The following CACNA1E variants were observed in gnomAD, a reference collection of about 807,000 sequenced individuals.
CACNA1E encodes the protein voltage-dependent R-type calcium channel subunit alpha-1E.
In CACNA1E, 40 loss-of-function variants were observed where a neutral mutation model predicts 259.2. The ratio of observed to expected loss-of-function variants is 0.15; its 90% CI spans 0.12 to 0.20. CACNA1E has a LOEUF of 0.20. Ranked by LOEUF, CACNA1E falls within the 10% of genes least tolerant of loss-of-function variation. CACNA1E has a pLI of 1.00. For missense variants in CACNA1E, 1,874 were observed against 3,040.1 expected (o/e 0.62, Z 9.02); for synonymous variants, 1,104 against 1,138.5 (o/e 0.97, Z 0.61).
At chr1:181,522,566 A>G (rs1228268836) in intron 3 of CACNA1E, among the ~76,000 whole-genome samples, 2 of 152,342 alleles carry the variant, frequency 1.3e-5, no homozygotes, top group South Asian at 2.1e-4. Flanking sequence ...CCCATGACAC[A>G]TCATGATGCT....
At chr1:181,781,102 G>A (rs1375005162) in intron 38 of CACNA1E, among the ~76,000 whole-genome samples, 4 of 152,138 alleles carry the variant, frequency 2.6e-5, no homozygotes, top group Non-Finnish European at 4.4e-5. Flanking sequence ...ATGAGACCCC[G>A]TGACTGTTCC....
intron 7 of CACNA1E, among the ~76,000 whole-genome samples, chr1:181,695,114 A>C (rs1285186319): frequency 6.6e-6 from 1 of 152,172 alleles, no homozygotes; most frequent in African/African-American, 2.4e-5. Context: ...TTAACTAAAA[A>C]TGGATGTTAA....
intron 1 of CACNA1E, among the ~76,000 whole-genome samples, chr1:181,492,670 ACACTGAAAATGAAC>A (rs1664415510): frequency 6.6e-6 from 1 of 152,206 alleles, no homozygotes; most frequent in South Asian, 2.1e-4. Context: ...CTGTAGGCTA[ACACTGAAAATGAAC>A]CACCAAGATT....
intron 34 of CACNA1E, among the ~76,000 whole-genome samples, chr1:181,764,287 C>A (rs1334052812): frequency 1.3e-5 from 2 of 151,966 alleles, no homozygotes; most frequent in Non-Finnish European, 2.9e-5. Flanking sequence ...CTTTGGGGGG[C>A]CTAAATGTTG....
intron 24 of CACNA1E, 54 bp from the exon 25 acceptor site, chr1:181,739,093 C>A: frequency 9.7e-7 from 1 of 1,032,968 alleles, no homozygotes; most frequent in Non-Finnish European, 1.5e-6. Flanking sequence ...GAGCTCAGGT[C>A]AAGTGTTGCC....
intron 6 of CACNA1E, among the ~76,000 whole-genome samples, chr1:181,607,602 C>G (rs188618199): frequency 3.9e-5 from 6 of 152,142 alleles, no homozygotes; most frequent in African/African-American, 1.4e-4. Flanking sequence ...CTGCAAAATG[C>G]GAATGAGATT....
intron 2 of CACNA1E, among the ~76,000 whole-genome samples, chr1:181,426,583 C>CCCTT (rs1456716582): frequency 3.3e-5 from 5 of 150,880 alleles, no homozygotes; most frequent in African/African-American, 1.2e-4. Context: ...ACAACTTAAC[C>CCCTT]CCTTCACAAC....
intron 1 of CACNA1E, among the ~76,000 whole-genome samples, chr1:181,488,505 T>C (rs1421675032): frequency 1.3e-5 from 2 of 152,236 alleles, no homozygotes; most frequent in Non-Finnish European, 2.9e-5. Flanking sequence ...CTGAATTGCC[T>C]GTTGGCTTTG....
intron 7 of CACNA1E, among the ~76,000 whole-genome samples, chr1:181,683,619 C>G (rs1233837678): frequency 2.0e-5 from 3 of 152,118 alleles, no homozygotes; most frequent in Non-Finnish European, 4.4e-5. Context: ...GCCCTGATAT[C>G]TATTGTTAAC....
At chr1:181,417,379 A>C (rs1658350232) in intron 2 of CACNA1E, among the ~76,000 whole-genome samples, 2 of 152,174 alleles carry the variant, frequency 1.3e-5, no homozygotes, top group African/African-American at 4.8e-5. Context: ...AGAATGCTGG[A>C]GCTCAAGTTG....
chr1:181,735,124 C>T (rs951003474), intron 21 of CACNA1E, among the ~76,000 whole-genome samples: 7 of 152,202 alleles, frequency 4.6e-5, no homozygotes, highest in Non-Finnish European at 7.3e-5. Context: ...GTCAACGTGC[C>T]ACTGCTACTT....
At chr1:181,338,083 CTTTT>C (rs951617078) in intron 1 of CACNA1E, among the ~76,000 whole-genome samples, 1 of 151,822 alleles carries the variant, frequency 6.6e-6, no homozygotes, top group Admixed American at 6.6e-5. Context: ...CCATTGTGGG[CTTTT>C]TTTTGTTTGT....
intron 3 of CACNA1E, among the ~76,000 whole-genome samples, chr1:181,576,002 A>G (rs777329802): frequency 4.6e-5 from 7 of 152,046 alleles, no homozygotes; most frequent in Non-Finnish European, 8.8e-5. Flanking sequence ...ATTAGAAATT[A>G]TATGACCCCC....
intron 7 of CACNA1E, among the ~76,000 whole-genome samples, chr1:181,683,560 T>C (rs553491097): frequency 7.9e-5 from 12 of 152,300 alleles, no homozygotes; most frequent in African/African-American, 2.6e-4. Context: ...TAGTACCCAA[T>C]AGGGAGTTTA....
intron 7 of CACNA1E, among the ~76,000 whole-genome samples, chr1:181,693,257 G>A (rs1305899975): frequency 2.0e-5 from 3 of 151,458 alleles, no homozygotes; most frequent in African/African-American, 7.3e-5. Flanking sequence ...ATTTCTCAAA[G>A]AATTTAAAAC....
At chr1:181,679,576 A>T (rs2102252090) in intron 7 of CACNA1E, among the ~76,000 whole-genome samples, 1 of 152,322 alleles carries the variant, frequency 6.6e-6, no homozygotes, top group East Asian at 1.9e-4. Flanking sequence ...ACAAACGGTT[A>T]CTTCCAGTGT....
chr1:181,351,064 G>T (rs964212646), intron 1 of CACNA1E, among the ~76,000 whole-genome samples: 42 of 152,256 alleles, frequency 2.8e-4, no homozygotes, highest in Admixed American at 1.9e-3. Context: ...GTTAGGAAAA[G>T]ACCCTTTCAG....
chr1:181,378,752 G>A (rs1006784705), intron 1 of CACNA1E, among the ~76,000 whole-genome samples: 1 of 152,164 alleles, frequency 6.6e-6, no homozygotes, highest in Admixed American at 6.5e-5. Flanking sequence ...AAGGACAGTT[G>A]GTAGAGTACA....
Position 181,802,439 on chromosome 1 carries a change from C to G in CACNA1E, c.*3605C>G, listed in dbSNP as rs139856926. 6.6e-6 allele frequency: 1 copy of G among 152,256 alleles called. No individual in the cohort carries two copies. The highest frequency in any genetic ancestry group is 1.5e-5 in the Non-Finnish European group (1 of 68,098). 9.4% of individuals were successfully genotyped at this position (152,256 alleles called of 1,614,324 possible). On this transcript the variant is annotated 3_prime_UTR_variant, in exon 48 of 48. Transcript: ENST00000367573. ...TTCTTTGCACAGATTCCTCCCAACCCCATAGAGCCTATGTGGTGAGCATGA... is the reference window on the plus strand; with the variant it reads ...TTCTTTGCACAGATTCCTCCCAACCGCATAGAGCCTATGTGGTGAGCATGA...
Sources: allele counts gnomAD v4.1 joint callset (sites outside exome capture counted in the v4.1 genomes callset), GRCh38; gene constraint gnomAD v4.1.1; transcripts MANE v1.5; gene names NCBI Gene and HGNC (gene_info 2026-07-23, HGNC 2026-07-21).